SGMS1: variants seen among roughly 807,000 people sequenced by gnomAD.
The protein encoded by SGMS1 is phosphatidylcholine:ceramide cholinephosphotransferase 1.
Under a neutral mutation model 46.2 loss-of-function variants are expected in SGMS1, and 13 were observed. That is an observed-to-expected ratio of 0.28 (90% confidence interval 0.18 to 0.45). SGMS1 has a LOEUF of 0.45. Ranked by LOEUF, SGMS1 falls within the 20% of genes least tolerant of loss-of-function variation. The probability of loss-of-function intolerance (pLI) is 1.00; values close to 1 mark genes in which losing one functional copy is unlikely to be tolerated. For missense variants in SGMS1, 324 were observed against 519.9 expected (o/e 0.62, Z 3.66); for synonymous variants, 203 against 187.8 (o/e 1.08, Z -0.66).
At chr10:50,570,793 C>G (rs896162710) in intron 2 of SGMS1, among the ~76,000 whole-genome samples, 3 of 152,144 alleles carry the variant, frequency 2.0e-5, no homozygotes, top group African/African-American at 7.2e-5. Context: ...AAAACATTAG[C>G]CAGGCATGGT....
intron 6 of SGMS1, among the ~76,000 whole-genome samples, chr10:50,354,448 A>G (rs1014935880): frequency 6.6e-5 from 10 of 152,132 alleles, no homozygotes; most frequent in South Asian, 2.1e-4. Context: ...ATTCAAGATG[A>G]ATTAAAGACT....
At chr10:50,524,843 C>T (rs527858950) in intron 2 of SGMS1, among the ~76,000 whole-genome samples, 4 of 152,130 alleles carry the variant, frequency 2.6e-5, no homozygotes, top group African/African-American at 9.6e-5. Context: ...CAATGGTGAC[C>T]CTATGACAAC....
chr10:50,399,020 GAGAT>G (rs1848891277), intron 6 of SGMS1, among the ~76,000 whole-genome samples: 1 of 152,058 alleles, frequency 6.6e-6, no homozygotes, highest in East Asian at 1.9e-4. Flanking sequence ...TGTGGAAGTA[GAGAT>G]TAAATGTAAA....
chr10:50,556,630 T>C (rs750967555), intron 2 of SGMS1, among the ~76,000 whole-genome samples: 3 of 152,140 alleles, frequency 2.0e-5, no homozygotes, highest in Non-Finnish European at 4.4e-5. Flanking sequence ...AGAGACCCCG[T>C]AGGCCCGCAC....
intron 6 of SGMS1, among the ~76,000 whole-genome samples, chr10:50,403,675 G>A (rs568358938): frequency 1.3e-5 from 2 of 151,228 alleles, no homozygotes; most frequent in Non-Finnish European, 2.9e-5. Flanking sequence ...TTGTTCATAA[G>A]CTCACCTGCT....
chr10:50,497,515 G>A (rs1272668093), intron 3 of SGMS1, among the ~76,000 whole-genome samples: 2 of 152,174 alleles, frequency 1.3e-5, no homozygotes, highest in Admixed American at 6.5e-5. Context: ...GATCCTGGCC[G>A]GGCGCGGTGG....
chr10:50,453,770 G>A (rs1214826744), intron 5 of SGMS1, among the ~76,000 whole-genome samples: 2 of 121,062 alleles, frequency 1.7e-5, no homozygotes, highest in Admixed American at 8.7e-5. Context: ...AGGAAGGAAG[G>A]AAGGGAGGAA....
At chr10:50,566,120 T>C (rs1488501247) in intron 2 of SGMS1, among the ~76,000 whole-genome samples, 1 of 152,174 alleles carries the variant, frequency 6.6e-6, no homozygotes, top group Non-Finnish European at 1.5e-5. Flanking sequence ...CAAGAATACA[T>C]GGATGGGGTG....
chr10:50,498,596 T>C (rs1251632589), intron 3 of SGMS1, among the ~76,000 whole-genome samples: 1 of 152,254 alleles, frequency 6.6e-6, no homozygotes, highest in African/African-American at 2.4e-5. Flanking sequence ...TTTCACTTAC[T>C]ATAATGTCCT....
chr10:50,600,879 A>G (rs537954668), intron 1 of SGMS1, among the ~76,000 whole-genome samples: 68 of 152,330 alleles, frequency 4.5e-4, no homozygotes, highest in African/African-American at 1.6e-3. Context: ...AGGACAAATC[A>G]GAGGAGAGAA....
intron 1 of SGMS1, among the ~76,000 whole-genome samples, chr10:50,591,325 T>C (rs970145818): frequency 2.0e-5 from 3 of 152,108 alleles, no homozygotes; most frequent in Non-Finnish European, 2.9e-5. Context: ...TGTCTCACTA[T>C]ACAGATCACC....
chr10:50,606,748 A>G (rs1483177971), intron 1 of SGMS1, among the ~76,000 whole-genome samples: 2 of 152,196 alleles, frequency 1.3e-5, no homozygotes, highest in African/African-American at 4.8e-5. Flanking sequence ...GTAAGTAAAC[A>G]TCACAACAGC....
intron 8 of SGMS1, among the ~76,000 whole-genome samples, chr10:50,326,094 G>A (rs943694947): frequency 1.3e-5 from 2 of 152,010 alleles, no homozygotes; most frequent in East Asian, 3.9e-4. Context: ...GGAATGTTGA[G>A]AACATTGCTT....
chr10:50,320,336 C>T (rs1295757040), intron 8 of SGMS1, among the ~76,000 whole-genome samples: 2 of 152,196 alleles, frequency 1.3e-5, no homozygotes, highest in African/African-American at 2.4e-5. Context: ...AGGCTGGTCA[C>T]ATAACTCTGA....
chr10:50,439,603 T>C (rs1250694523), intron 5 of SGMS1, among the ~76,000 whole-genome samples: 3 of 152,174 alleles, frequency 2.0e-5, no homozygotes, highest in Non-Finnish European at 2.9e-5. Context: ...AAATAGGAAC[T>C]AACATTTCAT....
rs528037294 is a variant in SGMS1, at chr10:50,592,110, G to A, written c.-683-1863C>T. 2.6e-5 allele frequency among the ~76,000 whole-genome samples: 4 copies of A among 152,204 alleles called. No homozygotes were observed. The East Asian group carries it at 7.7e-4, about 29-fold the overall frequency. On this transcript the variant is annotated intron_variant, in intron 1 of 10. Coordinates refer to ENST00000361781, the MANE Select transcript of SGMS1 (RefSeq NM_147156.4). Reference sequence around the variant, plus strand: ...TTGGGATCCACAAAGGGGAGATGGTGCGACTCACTGCCTCACAACCCAGAA... The same window carrying A: ...TTGGGATCCACAAAGGGGAGATGGTACGACTCACTGCCTCACAACCCAGAA...
At chr10:50,481,335 G>C (rs1029365151) in intron 3 of SGMS1, among the ~76,000 whole-genome samples, 41 of 152,186 alleles carry the variant, frequency 2.7e-4, no homozygotes, top group African/African-American at 8.9e-4. Context: ...GGAAAAACCA[G>C]GCACCCATCT....
At chr10:50,330,077 C>T (rs1324720947) in intron 7 of SGMS1, among the ~76,000 whole-genome samples, 3 of 151,968 alleles carry the variant, frequency 2.0e-5, no homozygotes, top group Non-Finnish European at 1.5e-5. Context: ...TTTTATATTC[C>T]TAATTTTTAA....
intron 3 of SGMS1, among the ~76,000 whole-genome samples, chr10:50,509,013 T>C (rs1338360455): frequency 6.6e-6 from 1 of 152,190 alleles, no homozygotes; most frequent in Non-Finnish European, 1.5e-5. Context: ...AGTTAATGAT[T>C]ATTGGTAAGT....
Sources: allele counts gnomAD v4.1 joint callset (sites outside exome capture counted in the v4.1 genomes callset), GRCh38; gene constraint gnomAD v4.1.1; transcripts MANE v1.5; gene names NCBI Gene and HGNC (gene_info 2026-07-23, HGNC 2026-07-21).